Variants in SCAPER observed in about 807,000 individuals in gnomAD.
SCAPER encodes S-phase cyclin A associated protein in the ER.
A neutral mutation model predicts 182.2 loss-of-function variants in SCAPER; 98 were observed. That is an observed-to-expected ratio of 0.54 (90% confidence interval 0.46 to 0.64). The LOEUF (loss-of-function observed/expected upper bound fraction) is 0.64, where lower values mean the gene tolerates loss of function less well. Ranked by LOEUF, SCAPER falls within the 30% of genes least tolerant of loss-of-function variation. The pLI, the probability that SCAPER is intolerant of heterozygous loss-of-function variation, is 0.00. For missense variants in SCAPER, 1,432 were observed against 1,690.0 expected, an observed-to-expected ratio of 0.85 and a Z score of 2.68; for synonymous variants, 605 against 564.6, an observed-to-expected ratio of 1.07 and a Z score of -1.01.
chr15:76,697,845 G>A (rs545648257), intron 20 of SCAPER, among the ~76,000 whole-genome samples: 69 of 152,030 alleles, frequency 4.5e-4, no homozygotes, highest in African/African-American at 1.4e-3. Flanking sequence ...TCACCATGTC[G>A]GCCAGGCTGG....
chr15:76,364,510 T>C (rs2041675826), intron 29 of SCAPER, among the ~76,000 whole-genome samples: 1 of 152,162 alleles, frequency 6.6e-6, no homozygotes, highest in Admixed American at 6.5e-5. Context: ...GAGGGGTGAA[T>C]GGCTGTTTTG....
At chr15:76,852,371 A>T (rs2070849979) in intron 4 of SCAPER, among the ~76,000 whole-genome samples, 1 of 152,238 alleles carries the variant, frequency 6.6e-6, no homozygotes, top group Admixed American at 6.5e-5. Flanking sequence ...TCCAACCAAA[A>T]ACACAGAATA....
At chr15:76,849,757 G>A (rs546754352) in intron 4 of SCAPER, among the ~76,000 whole-genome samples, 108 of 152,284 alleles carry the variant, frequency 7.1e-4, no homozygotes, top group Admixed American at 2.0e-3. Flanking sequence ...GTGTTAGTCC[G>A]TTCTCACGCT....
At chr15:76,618,056 C>T (rs777139976) in intron 22 of SCAPER, among the ~76,000 whole-genome samples, 3 of 152,064 alleles carry the variant, frequency 2.0e-5, no homozygotes, top group Admixed American at 1.3e-4. Flanking sequence ...GTCAGGAGAT[C>T]GAGACCAGTC....
chr15:76,728,216 C>CAAAAAAA (rs746287649), intron 17 of SCAPER, among the ~76,000 whole-genome samples: 2 of 115,082 alleles, frequency 1.7e-5, no homozygotes, highest in Non-Finnish European at 1.9e-5. Context: ...CTATTTCCAT[C>CAAAAAAA]AAAAAAAAAA....
chr15:76,756,243 C>CAAAAAA (rs34158299), intron 14 of SCAPER, among the ~76,000 whole-genome samples: 5 of 65,984 alleles, frequency 7.6e-5, no homozygotes, highest in East Asian at 8.4e-4. Context: ...GACTCCGTCT[C>CAAAAAA]AAAAAAAAAA....
intron 22 of SCAPER, among the ~76,000 whole-genome samples, chr15:76,618,085 C>A (rs1161368481): frequency 6.6e-6 from 1 of 152,058 alleles, no homozygotes; most frequent in Non-Finnish European, 1.5e-5. Flanking sequence ...CCTGGTGAAA[C>A]CCCGTCTCTA....
intron 17 of SCAPER, among the ~76,000 whole-genome samples, chr15:76,718,332 T>G (rs1484121854): frequency 6.6e-6 from 1 of 152,062 alleles, no homozygotes; most frequent in Non-Finnish European, 1.5e-5. Flanking sequence ...CAATAAAACA[T>G]CAGCCTAAGG....
At chr15:76,547,870 T>G (rs768702736) in intron 23 of SCAPER, among the ~76,000 whole-genome samples, 1 of 152,190 alleles carries the variant, frequency 6.6e-6, no homozygotes, top group African/African-American at 2.4e-5. Flanking sequence ...TTCTTTAAAA[T>G]TGGTTTGGTT....
chr15:76,714,279 A>T (rs1417196056), intron 17 of SCAPER, among the ~76,000 whole-genome samples: 1 of 152,206 alleles, frequency 6.6e-6, no homozygotes, highest in Non-Finnish European at 1.5e-5. Context: ...ACATATGTGA[A>T]AACTCATCAA....
chr15:76,687,394 A>T (rs943628661), intron 20 of SCAPER, among the ~76,000 whole-genome samples: 3 of 152,190 alleles, frequency 2.0e-5, no homozygotes, highest in African/African-American at 7.2e-5. Context: ...ATCCGATAAA[A>T]GTAAAAATTA....
At position 76,751,675 on chromosome 15, in the gene SCAPER, A is replaced by G. The variant is rs139797894; in HGVS notation, c.1866+2133T>C. Among the ~76,000 whole-genome samples the G allele has an allele frequency of 1.4e-3, 215 of 151,872 alleles. 2 individuals carry two copies. Among genetic ancestry groups the G allele is most frequent in the African/African-American group, 4.7e-3 (196 of 41,554 alleles). ...GGTAATGGGAAAACTCGACAGCCAC[A>G]TGGCAAAAAATCAAGCTAAACCTTT... On this transcript the variant is annotated intron_variant, in intron 15 of 31. Transcript: ENST00000563290.
chr15:76,351,068 GA>G (rs2040510480), intron 31 of SCAPER, 168 bp downstream of exon 31: 1 of 530,562 alleles, frequency 1.9e-6, no homozygotes, highest in African/African-American at 1.9e-5. Context: ...CATGCTTCAT[GA>G]CAAAATCGAT....
chr15:76,461,022 T>A (rs767024909), intron 25 of SCAPER, among the ~76,000 whole-genome samples: 2 of 152,192 alleles, frequency 1.3e-5, no homozygotes, highest in African/African-American at 4.8e-5. Flanking sequence ...CAAGATTCCA[T>A]AATGAATTGT....
At chr15:76,815,491 C>T (rs567050833) in intron 5 of SCAPER, among the ~76,000 whole-genome samples, 1 of 152,160 alleles carries the variant, frequency 6.6e-6, no homozygotes, top group African/African-American at 2.4e-5. Context: ...CATCATTGTG[C>T]GACCATCAGA....
At chr15:76,730,065 A>C (rs2060829828) in intron 16 of SCAPER, among the ~76,000 whole-genome samples, 1 of 152,144 alleles carries the variant, frequency 6.6e-6, no homozygotes, top group South Asian at 2.1e-4. Flanking sequence ...TATTAATTAC[A>C]GGTAAGTTCT....
chr15:76,473,521 C>G (rs2050371102), intron 24 of SCAPER, among the ~76,000 whole-genome samples: 1 of 152,172 alleles, frequency 6.6e-6, no homozygotes, highest in Non-Finnish European at 1.5e-5. Flanking sequence ...GACTAAATCT[C>G]CTGCTTAAGT....
At chr15:76,608,362 G>T (rs538289226) in intron 22 of SCAPER, among the ~76,000 whole-genome samples, 5 of 152,316 alleles carry the variant, frequency 3.3e-5, no homozygotes, top group African/African-American at 1.2e-4. Flanking sequence ...GCTGCTGCCT[G>T]ATCGTTCCTC....
chr15:76,580,595 T>C (rs1379649535), intron 22 of SCAPER, among the ~76,000 whole-genome samples: 2 of 150,912 alleles, frequency 1.3e-5, no homozygotes, highest in Non-Finnish European at 3.0e-5. Context: ...TCTCCACACA[T>C]AAAAAAAAAT....
Sources: allele counts gnomAD v4.1 joint callset (sites outside exome capture counted in the v4.1 genomes callset), GRCh38; gene constraint gnomAD v4.1.1; transcripts MANE v1.5; gene names NCBI Gene and HGNC (gene_info 2026-07-23, HGNC 2026-07-21).